COL9A2: variants seen among roughly 807,000 people sequenced by gnomAD.
COL9A2 encodes the protein collagen alpha-2(IX) chain.
In COL9A2, 66 loss-of-function variants were observed where a neutral mutation model predicts 111.6. That is an observed-to-expected ratio of 0.59 (90% CI 0.48 to 0.73). The LOEUF (loss-of-function observed/expected upper bound fraction) is 0.73. Ranked by LOEUF, COL9A2 falls within the 30% of genes least tolerant of loss-of-function variation. The pLI, the probability that COL9A2 is intolerant of heterozygous loss-of-function variation, is 0.00. For synonymous variants in COL9A2, 353 were observed against 364.1 expected (o/e 0.97, Z 0.35); for missense variants, 881 against 954.1 (o/e 0.92, Z 1.01).
chr1:40,308,835 G>T (rs949855004), intron 16 of COL9A2, among the ~76,000 whole-genome samples: 1 of 152,152 alleles, frequency 6.6e-6, no homozygotes, highest in African/African-American at 2.4e-5. Context: ...GGGTCTGGGG[G>T]ATAGAGGACA....
intron 1 of COL9A2, chr1:40,315,869 G>A: frequency 2.2e-6 from 1 of 462,588 alleles, no homozygotes. Context: ...CGGGAGGCGG[G>A]CGCTATTACG....
Position 40,314,520 on chromosome 1 carries a change from G to A in COL9A2, c.151-133C>T. 7.3e-6 allele frequency: 8 copies of A among 1,090,618 alleles called. No homozygotes were observed. Among genetic ancestry groups the A allele is most frequent in the Non-Finnish European group, 1.1e-5 (8 of 718,848 alleles). 67.6% of individuals were successfully genotyped at this position (1,090,618 alleles called of 1,614,324 possible). On this transcript the variant is annotated intron_variant, in intron 2 of 31. Transcript: ENST00000372748. The surrounding 1 kb of genome is among the most constrained non-coding windows in gnomAD (Gnocchi z 4.1). Reference sequence around the variant, plus strand: ...CTTCTGTCCAGGTCCCCTAAGCCTTGCAATCTTTGGGAAAAGAGCCCCCTT... The same window carrying A: ...CTTCTGTCCAGGTCCCCTAAGCCTTACAATCTTTGGGAAAAGAGCCCCCTT...
In COL9A2 at chr1:40,301,805, G is replaced by A. The variant is rs777618371; in HGVS notation, c.1870+7C>T. The A allele has an allele frequency of 6.2e-7, 1 of 1,613,906 alleles. No individual in the cohort carries two copies. Among genetic ancestry groups the A allele is most frequent in the Non-Finnish European group, 8.5e-7 (1 of 1,179,822 alleles). Reference sequence around the variant, plus strand: ...CACACTGCAGCTGGGCAGGGCCAATGGCTTACCTGGGATCCCTGGGGGCCC... The same window carrying A: ...CACACTGCAGCTGGGCAGGGCCAATAGCTTACCTGGGATCCCTGGGGGCCC... On this transcript the variant is annotated splice_region_variant and intron_variant, in intron 31 of 31. Coordinates refer to ENST00000372748, the MANE Select transcript of COL9A2 (RefSeq NM_001852.4).
At position 40,303,330 on chromosome 1, in the gene COL9A2, G is replaced by A; in HGVS notation, c.1549-145C>T. ...AAGCTGAGGAACAGATTGTACCTGG[G>A]CAGGGCCAAGGGCTTACTTGGGAAG... On this transcript the variant is annotated intron_variant, in intron 28 of 31. Coordinates refer to ENST00000372748, the MANE Select transcript of COL9A2 (RefSeq NM_001852.4). This position sits in a 1 kb window ranked among gnomAD's most constrained non-coding sequence, Gnocchi z 4.6. 8.8e-7 allele frequency: 1 copy of A among 1,137,530 alleles called. No homozygotes were observed. The allele number at this position is 1,137,530 out of a possible 1,614,324, so 70.5% of individuals were successfully genotyped here.
chr1:40,307,814 C>T lies in COL9A2; in HGVS notation c.901-58G>A. On this transcript the variant is annotated intron_variant, in intron 17 of 31. Transcript: ENST00000372748. The surrounding 1 kb of genome is among the most constrained non-coding windows in gnomAD (Gnocchi z 4.8). ...AATGCGGAGATGTCTGGGGTCTGGC[C>T]ACCCACCCCTGTTCCTCTGAGACAG... 6.4e-7 allele frequency: 1 copy of T among 1,568,606 alleles called. No homozygotes were observed. Among genetic ancestry groups the T allele is most frequent in the Non-Finnish European group, 8.8e-7 (1 of 1,140,232 alleles).
At position 40,305,139 on chromosome 1, in the gene COL9A2, C is replaced by T. The variant is rs1485013611; in HGVS notation, c.1108-292G>A. ...CTGGAATGCAGTGGCGCGATCTCCG[C>T]TCACTGCAAGCTCCGCCTCCCGGGT... is the stretch of plus-strand genomic sequence containing the variant. On this transcript the variant is annotated intron_variant, in intron 21 of 31. Transcript: ENST00000372748. The T allele has an allele frequency of 2.0e-5, 6 of 296,858 alleles. No individual in the cohort carries two copies. In the East Asian group the frequency reaches 4.2e-4, roughly 21 times the overall value. The allele number at this position is 296,858 out of a possible 1,614,324, so 18.4% of individuals were successfully genotyped here. A position where few individuals can be genotyped will look rare whatever the true frequency, so the allele number is the denominator to read the frequency against.
chr1:40,314,108 G>T lies in COL9A2; in HGVS notation c.249+97C>A. Reference sequence around the variant, plus strand: ...ACAGCTGGAGAATCTCCATCCTGCTGCCCATCTCTGAACAGATCAGTGAAG... The same window carrying T: ...ACAGCTGGAGAATCTCCATCCTGCTTCCCATCTCTGAACAGATCAGTGAAG... On this transcript the variant is annotated intron_variant, in intron 4 of 31. Transcript: ENST00000372748. This position sits in a 1 kb window ranked among gnomAD's most constrained non-coding sequence, Gnocchi z 4.1. 1 of 1,287,776 alleles carries T rather than the reference G, an allele frequency of 7.8e-7. No individual in the cohort carries two copies. Among genetic ancestry groups the T allele is most frequent in the Non-Finnish European group, 1.1e-6 (1 of 884,370 alleles). The allele number at this position is 1,287,776 out of a possible 1,614,324, so 79.8% of individuals were successfully genotyped here.
chr1:40,311,700 C>G lies in COL9A2; in HGVS notation c.433G>C (p.Asp145His). 6.2e-7 allele frequency: 1 copy of G among 1,614,034 alleles called. No individual in the cohort carries two copies. The highest frequency in any genetic ancestry group is 8.5e-7 in the Non-Finnish European group (1 of 1,180,000). ...IRGPKGDPGP[D>H]GPSGPPGPPG... ...GGTCCTGGGGGCCCCGATGGTCCATCTGGTCCAGGGTCCCCCTGGAAGCAA... is the reference window on the plus strand; with the variant it reads ...GGTCCTGGGGGCCCCGATGGTCCATGTGGTCCAGGGTCCCCCTGGAAGCAA... The change falls in exon 9 of 32, where the codon GAT becomes CAT. Residue 145 changes from aspartate to histidine, a missense_variant. Transcript: ENST00000372748. This position sits in a 1 kb window ranked among gnomAD's most constrained non-coding sequence, Gnocchi z 5.1.
chr1:40,314,336 A>C lies in COL9A2; in HGVS notation c.186+16T>G, dbSNP rs1644181619. 6.2e-7 allele frequency: 1 copy of C among 1,614,116 alleles called. No homozygotes were observed. Among genetic ancestry groups the C allele is most frequent in the Non-Finnish European group, 8.5e-7 (1 of 1,180,056 alleles). On this transcript the variant is annotated intron_variant, in intron 3 of 31. Coordinates refer to ENST00000372748, the MANE Select transcript of COL9A2 (RefSeq NM_001852.4). The surrounding 1 kb of genome is among the most constrained non-coding windows in gnomAD (Gnocchi z 4.1). ...GAGCAGGAAGGGTCAAAGGCCAAAG[A>C]GGATAAAGCACTCACCGGAGGGCCA...
intron 20 of COL9A2, 73 bp from the exon 21 acceptor site, chr1:40,305,841 G>T: frequency 7.4e-7 from 1 of 1,356,682 alleles, no homozygotes. Flanking sequence ...ACCCAACGAA[G>T]CCTAAACAGA....
chr1:40,314,222 C>T lies in COL9A2; in HGVS notation c.232G>A (p.Gly78Arg), dbSNP rs376722979. Reference sequence around the variant, plus strand: ...CTACTCACATCAATCCCGGGCTTCCCGTCTGGCCCATCTGGCCCAGCTTTG... The same window carrying T: ...CTACTCACATCAATCCCGGGCTTCCTGTCTGGCCCATCTGGCCCAGCTTTG... ...PGKAGPDGPDGKPGIDGLTGA... is the reference protein window; with the variant it reads ...PGKAGPDGPDRKPGIDGLTGA... Residue 78 changes from glycine to arginine, a missense_variant, in exon 4 of 32, where the codon GGG (glycine) becomes AGG (arginine). Coordinates refer to ENST00000372748, the MANE Select transcript of COL9A2 (RefSeq NM_001852.4). This position sits in a 1 kb window ranked among gnomAD's most constrained non-coding sequence, Gnocchi z 4.1. 5.1e-5 allele frequency: 83 copies of T among 1,614,216 alleles called. No homozygotes were observed. The Middle Eastern group carries it at 2.5e-3, about 48-fold the overall frequency.
rs1037784917 is a variant in COL9A2 at position 40,304,813 on chromosome 1, T to C, written c.1142A>G (p.Gln381Arg). The C allele has an allele frequency of 1.3e-6, 2 of 1,550,966 alleles. No homozygotes were observed. The highest frequency in any genetic ancestry group is 8.7e-7 in the Non-Finnish European group (1 of 1,146,934). The change falls in exon 22 of 32, where the codon CAG becomes CGG. Residue 381 changes from glutamine to arginine, a missense_variant. Coordinates refer to ENST00000372748, the MANE Select transcript of COL9A2 (RefSeq NM_001852.4). ...EPGPRGEIGP[Q>R]GIMGQKGDQG... The stretch of plus-strand genomic sequence containing the variant: ...ACTTACCTTCTGTCCCATGATGCCC[T>C]GGGGACCAATTTCTCCTCGAGGCCC...
Position 40,311,349 on chromosome 1 carries a change from A to G in COL9A2, c.520-63T>C. ...TGGGCAGTGCGCCCCCATCTCTCCAAGCCCCGTGCTCTCCTCCGCCTCACC... is the reference window on the plus strand; with the variant it reads ...TGGGCAGTGCGCCCCCATCTCTCCAGGCCCCGTGCTCTCCTCCGCCTCACC... On this transcript the variant is annotated intron_variant, in intron 10 of 31. Transcript: ENST00000372748. The surrounding 1 kb of genome is among the most constrained non-coding windows in gnomAD (Gnocchi z 5.1). 6.3e-7 allele frequency: 1 copy of G among 1,590,434 alleles called. No homozygotes were observed. Among genetic ancestry groups the G allele is most frequent in the African/African-American group, 1.3e-5 (1 of 74,264 alleles).
rs1169325550 is a variant in COL9A2, at chr1:40,314,521, C to A, written c.151-134G>T. 9.2e-7 allele frequency: 1 copy of A among 1,092,764 alleles called. No individual in the cohort carries two copies. The highest frequency in any genetic ancestry group is 1.6e-5 in the African/African-American group (1 of 63,928). 67.7% of individuals were successfully genotyped at this position (1,092,764 alleles called of 1,614,324 possible). A position where few individuals can be genotyped will look rare whatever the true frequency, so the allele number is the denominator to read the frequency against. ...TTCTGTCCAGGTCCCCTAAGCCTTG[C>A]AATCTTTGGGAAAAGAGCCCCCTTT... On this transcript the variant is annotated intron_variant, in intron 2 of 31. Coordinates refer to ENST00000372748, the MANE Select transcript of COL9A2 (RefSeq NM_001852.4). The surrounding 1 kb of genome is among the most constrained non-coding windows in gnomAD (Gnocchi z 4.1).
chr1:40,313,452 A>G (rs926773158), intron 4 of COL9A2, among the ~76,000 whole-genome samples: 3 of 152,210 alleles, frequency 2.0e-5, no homozygotes, highest in African/African-American at 7.2e-5. Context: ...TACAGGCATA[A>G]GCCACCACGC....
rs1298552680 is a variant in COL9A2 at position 40,310,556 on chromosome 1, A to G, written c.684+158T>C. On this transcript the variant is annotated intron_variant, in intron 13 of 31. Coordinates refer to ENST00000372748, the MANE Select transcript of COL9A2 (RefSeq NM_001852.4). The surrounding 1 kb of genome is among the most constrained non-coding windows in gnomAD (Gnocchi z 4.9). ...CTGACAGCTTTGGTTCCTGTCCCTC[A>G]TTCCTGACAATTTCAGCCTCCATCT... Among the ~76,000 whole-genome samples, 1 of 152,126 alleles carries G rather than the reference A, an allele frequency of 6.6e-6. No individual in the cohort carries two copies. Among genetic ancestry groups the G allele is most frequent in the Non-Finnish European group, 1.5e-5 (1 of 68,004 alleles).
chr1:40,304,010 C>A, intron 25 of COL9A2, 38 bp from the exon 26 acceptor site: 2 of 1,570,048 alleles, frequency 1.3e-6, no homozygotes, highest in African/African-American at 1.3e-5. Flanking sequence ...GCGGTGGCGG[C>A]GGGGACGCAG....
chr1:40,314,532 A>G lies in COL9A2; in HGVS notation c.151-145T>C, dbSNP rs1240918264. The G allele has an allele frequency of 1.0e-6, 1 of 972,106 alleles. No individual in the cohort carries two copies. Among genetic ancestry groups the G allele is most frequent in the African/African-American group, 1.6e-5 (1 of 61,294 alleles). 60.2% of individuals were successfully genotyped at this position (972,106 alleles called of 1,614,324 possible). A position where few individuals can be genotyped will look rare whatever the true frequency, so the allele number is the denominator to read the frequency against. On this transcript the variant is annotated intron_variant, in intron 2 of 31. Coordinates refer to ENST00000372748, the MANE Select transcript of COL9A2 (RefSeq NM_001852.4). The surrounding 1 kb of genome is among the most constrained non-coding windows in gnomAD (Gnocchi z 4.1). ...TCCCCTAAGCCTTGCAATCTTTGGGAAAAGAGCCCCCTTTTCCTCAAAAAT... is the reference window on the plus strand; with the variant it reads ...TCCCCTAAGCCTTGCAATCTTTGGGGAAAGAGCCCCCTTTTCCTCAAAAAT...
intron 1 of COL9A2, 37 bp from the exon 2 acceptor site, chr1:40,315,701 A>G: frequency 6.8e-7 from 1 of 1,478,700 alleles, no homozygotes; most frequent in Non-Finnish European, 9.1e-7. Context: ...GTCCTCAGAC[A>G]GTGCAGGAAG....
Sources: gnomAD v4.1 joint callset for allele counts (sites outside exome capture counted in the v4.1 genomes callset) on GRCh38, gnomAD v4.1.1 for gene constraint, Gnocchi (gnomAD v3.1) non-coding constraint, MANE v1.5 for transcripts, NCBI Gene and HGNC (gene_info 2026-07-23, HGNC 2026-07-21) for gene names.